Variants in PCDHA2 observed in about 807,000 individuals in gnomAD.
PCDHA2 encodes protocadherin alpha-2.
In PCDHA2, 58 loss-of-function variants were observed where a neutral mutation model predicts 66.0. The observed-to-expected ratio is 0.88, with a 90% CI of 0.71 to 1.09. PCDHA2 has a LOEUF of 1.09. Among genes scored for constraint, PCDHA2 ranks in the 50% least tolerant of loss-of-function variants. PCDHA2 has a pLI of 0.00. For synonymous variants in PCDHA2, 634 were observed against 554.0 expected (o/e 1.14, Z -2.03); for missense variants, 1,267 against 1,242.3 (o/e 1.02, Z -0.30).
chr5:140,848,579 C>A lies in PCDHA2; in HGVS notation c.2388+51227C>A, dbSNP rs2150413279. Reference sequence around the variant, plus strand: ...TCCTCGCAATGTGGGTGGTGGGGAGCGGCCAGCTCCACTACTCCGTCCCGG... The same window carrying A: ...TCCTCGCAATGTGGGTGGTGGGGAGAGGCCAGCTCCACTACTCCGTCCCGG... On this transcript the variant is annotated intron_variant, in intron 1 of 3. Transcript: ENST00000526136. 0.52 allele frequency: 831,192 copies of A among 1,591,790 alleles called. 256,408 individuals are homozygous for A. Among genetic ancestry groups the A allele is most frequent in the South Asian group, 0.62 (55,610 of 90,064 alleles).
rs540494529 is a variant in PCDHA2 at position 140,796,326 on chromosome 5, G to A, written c.1362G>A (p.Ala454=). The part of the protein sequence containing the change: ...EVADVNDNAP[A]FAQPEYTVFV... ...CCGACGTGAACGACAACGCGCCGGCGTTCGCACAGCCTGAGTACACAGTAT... is the reference window on the plus strand; with the variant it reads ...CCGACGTGAACGACAACGCGCCGGCATTCGCACAGCCTGAGTACACAGTAT... Residue 454 remains alanine (A), a synonymous_variant, in exon 1 of 4, where the codon GCG becomes GCA. Coordinates refer to ENST00000526136, the MANE Select transcript of PCDHA2 (RefSeq NM_018905.3). The A allele has an allele frequency of 1.9e-6, 3 of 1,608,872 alleles. No homozygotes were observed. Among genetic ancestry groups the A allele is most frequent in the South Asian group, 1.1e-5 (1 of 90,706 alleles).
intron 1 of PCDHA2, chr5:140,968,638 A>T: frequency 6.2e-7 from 1 of 1,614,184 alleles, no homozygotes; most frequent in Non-Finnish European, 8.5e-7. Context: ...TTTACCATCT[A>T]GCCCAGACTT....
chr5:140,863,376 C>T (rs781824830), intron 1 of PCDHA2: 2 of 1,123,242 alleles, frequency 1.8e-6, no homozygotes, highest in South Asian at 1.2e-5. Context: ...CGCAGCTCAC[C>T]GAGAGCTCGT....
At chr5:140,825,266 T>C (rs1768494140) in intron 1 of PCDHA2, 2 of 151,016 alleles carry the variant, frequency 1.3e-5, no homozygotes, top group African/African-American at 4.8e-5. Flanking sequence ...AGGTATGTGA[T>C]TGGTTATTTT....
chr5:140,856,203 G>GGCTGGA (rs782244369), intron 1 of PCDHA2: 1 of 1,597,978 alleles, frequency 6.3e-7, no homozygotes, highest in African/African-American at 1.3e-5. Context: ...CAGGACCTGG[G>GGCTGGA]GCTGGAGCTG....
intron 1 of PCDHA2, chr5:140,842,226 T>G (rs2150332205): frequency 6.2e-7 from 1 of 1,612,936 alleles, no homozygotes; most frequent in Non-Finnish European, 8.5e-7. Context: ...ACGGGAGAAA[T>G]AGTGATTCGG....
intron 3 of PCDHA2, among the ~76,000 whole-genome samples, chr5:141,007,932 A>T (rs150576416): frequency 3.9e-5 from 6 of 152,336 alleles, no homozygotes; most frequent in Non-Finnish European, 7.3e-5. Context: ...CTGGAATTCT[A>T]AGCCACCTTT....
chr5:140,807,595 AC>A, intron 1 of PCDHA2: 1 of 1,614,194 alleles, frequency 6.2e-7, no homozygotes, highest in Non-Finnish European at 8.5e-7. Context: ...TCCCAGCAAC[AC>A]AAAAGAACCT....
rs781845787 is a variant in PCDHA2, at chr5:140,884,003, G to C, written c.2388+86651G>C. 7.4e-6 allele frequency: 12 copies of C among 1,613,086 alleles called. No homozygotes were observed. In the South Asian group the frequency reaches 1.3e-4, roughly 18 times the overall value. ...TGGCAGCGCGGGAGGCACAGTGAGC[G>C]AGCTGATGCCGCGGTCGGTGGGTGC... On this transcript the variant is annotated intron_variant, in intron 1 of 3. Transcript: ENST00000526136.
chr5:140,881,279 G>A, intron 1 of PCDHA2: 2 of 760,202 alleles, frequency 2.6e-6, no homozygotes, highest in South Asian at 6.0e-5. Flanking sequence ...GAAGTAAGAT[G>A]GAGAGAGAAA....
At chr5:140,903,487 A>G (rs2070330722) in intron 1 of PCDHA2, among the ~76,000 whole-genome samples, 1 of 152,242 alleles carries the variant, frequency 6.6e-6, no homozygotes, top group South Asian at 2.1e-4. Context: ...TATAGTTCTG[A>G]GCAGGTACCA....
At chr5:140,882,039 TGA>T (rs781834736) in intron 1 of PCDHA2, 12 of 658,206 alleles carry the variant, frequency 1.8e-5, no homozygotes, top group Non-Finnish European at 2.9e-5. Flanking sequence ...ATATGAAGAC[TGA>T]GTCATACTTA....
intron 1 of PCDHA2, chr5:140,835,740 C>T (rs1554135229): frequency 2.5e-6 from 4 of 1,613,594 alleles, no homozygotes; most frequent in Non-Finnish European, 3.4e-6. Flanking sequence ...CGACAACGCC[C>T]CGGCGTTCGC....
intron 3 of PCDHA2, among the ~76,000 whole-genome samples, chr5:140,986,013 A>C (rs544858025): frequency 6.6e-6 from 1 of 152,298 alleles, no homozygotes; most frequent in Admixed American, 6.5e-5. Flanking sequence ...TGCTGGGATT[A>C]CAGGCGTGAG....
At chr5:140,962,770 G>A (rs1387109570) in intron 1 of PCDHA2, among the ~76,000 whole-genome samples, 1 of 152,164 alleles carries the variant, frequency 6.6e-6, no homozygotes, top group Admixed American at 6.5e-5. Flanking sequence ...TTTTTAACAA[G>A]ATGGAATTTT....
intron 1 of PCDHA2, chr5:140,828,134 C>T (rs2150151262): frequency 1.9e-6 from 3 of 1,613,682 alleles, no homozygotes; most frequent in South Asian, 1.1e-5. Flanking sequence ...GCAATGTCTG[C>T]TCCTCCCGCT....
At chr5:140,961,975 C>T (rs1241757389) in intron 1 of PCDHA2, among the ~76,000 whole-genome samples, 1 of 152,034 alleles carries the variant, frequency 6.6e-6, no homozygotes, top group Non-Finnish European at 1.5e-5. Flanking sequence ...CCTCCGCCTC[C>T]TGGGTTCACG....
chr5:140,898,505 T>A (rs1367691811), intron 1 of PCDHA2, among the ~76,000 whole-genome samples: 1 of 152,202 alleles, frequency 6.6e-6, no homozygotes, highest in East Asian at 1.9e-4. Flanking sequence ...GTTGTAGATA[T>A]GCGGCGTTAT....
At chr5:140,908,578 G>C (rs2074039304) in intron 1 of PCDHA2, among the ~76,000 whole-genome samples, 1 of 152,196 alleles carries the variant, frequency 6.6e-6, no homozygotes, top group South Asian at 2.1e-4. Flanking sequence ...CAAAAGGAGA[G>C]TAGTTAGCTG....
Sources: gnomAD v4.1 joint callset for allele counts (sites outside exome capture counted in the v4.1 genomes callset) on GRCh38, gnomAD v4.1.1 for gene constraint, MANE v1.5 for transcripts, NCBI Gene and HGNC (gene_info 2026-07-23, HGNC 2026-07-21) for gene names.